PLEKHA5: variants seen among roughly 807,000 people sequenced by gnomAD.
The protein encoded by PLEKHA5 is pleckstrin homology domain containing A5, also known as pleckstrin homology domain-containing family A member 5.
In PLEKHA5, 55 loss-of-function variants were observed where a neutral mutation model predicts 181.9. The ratio of observed to expected loss-of-function variants is 0.30; its 90% CI spans 0.24 to 0.38. The LOEUF (loss-of-function observed/expected upper bound fraction) is 0.38, where lower values mean the gene tolerates loss of function less well. PLEKHA5 is among the 10% of genes least tolerant of loss of function. PLEKHA5 has a pLI of 1.00. For missense variants in PLEKHA5, 1,432 were observed against 1,549.5 expected, an observed-to-expected ratio of 0.92 and a Z score of 1.27; for synonymous variants, 535 against 529.4, an observed-to-expected ratio of 1.01 and a Z score of -0.15.
chr12:19,237,522 G>A (rs191407812), intron 3 of PLEKHA5, among the ~76,000 whole-genome samples: 40 of 151,826 alleles, frequency 2.6e-4, no homozygotes, highest in Non-Finnish European at 7.4e-5. Flanking sequence ...AAGGTATATC[G>A]ATACTAGTCT....
At chr12:19,338,286 A>G (rs2093611542) in intron 21 of PLEKHA5, among the ~76,000 whole-genome samples, 1 of 151,798 alleles carries the variant, frequency 6.6e-6, no homozygotes, top group African/African-American at 2.4e-5. Context: ...GAAACCTTGA[A>G]CTCCTGGGCC....
Position 19,194,672 on chromosome 12 carries a change from T to C in PLEKHA5, c.228-59268T>C, listed in dbSNP as rs2052187830. ...TCAAGGGGTACAGGTATTTACAAGT[T>C]TCATTATACAGACAAATTGAATATT... On this transcript the variant is annotated intron_variant, in intron 3 of 31. Transcript: ENST00000429027. 1.3e-5 allele frequency among the ~76,000 whole-genome samples: 2 copies of C among 152,160 alleles called. 1 individual carries two copies. The highest frequency in any genetic ancestry group is 4.1e-4 in the South Asian group (2 of 4,828).
At chr12:19,187,864 ATC>A (rs1420933889) in intron 3 of PLEKHA5, among the ~76,000 whole-genome samples, 1 of 152,160 alleles carries the variant, frequency 6.6e-6, no homozygotes, top group Non-Finnish European at 1.5e-5. Context: ...TTTAAATGTG[ATC>A]TGTTTCAATT....
At chr12:19,142,093 C>G (rs1470035788) in intron 3 of PLEKHA5, among the ~76,000 whole-genome samples, 1 of 152,188 alleles carries the variant, frequency 6.6e-6, no homozygotes, top group Non-Finnish European at 1.5e-5. Flanking sequence ...GGTGCTGTGG[C>G]TCACGCCTGT....
At chr12:19,214,428 G>T (rs2057546494) in intron 3 of PLEKHA5, among the ~76,000 whole-genome samples, 2 of 152,108 alleles carry the variant, frequency 1.3e-5, no homozygotes, top group Non-Finnish European at 2.9e-5. Flanking sequence ...AGTACAAATA[G>T]CCTTTTTGAC....
intron 26 of PLEKHA5, among the ~76,000 whole-genome samples, chr12:19,355,709 T>A (rs1307022907): frequency 2.0e-5 from 3 of 152,112 alleles, no homozygotes; most frequent in African/African-American, 7.2e-5. Flanking sequence ...TATCATGGAA[T>A]AAAGATAATA....
chr12:19,340,728 CT>C (rs1157499502), intron 21 of PLEKHA5, among the ~76,000 whole-genome samples: 1 of 145,754 alleles, frequency 6.9e-6, no homozygotes, highest in Non-Finnish European at 1.5e-5. Context: ...GCAAGATGTG[CT>C]TTGTTAAACA....
In PLEKHA5 at chr12:19,270,221, AT is replaced by A. The variant is rs1195663110; in HGVS notation, c.845+18del. On this transcript the variant is annotated intron_variant, in intron 10 of 31. Coordinates refer to ENST00000429027, the MANE Select transcript of PLEKHA5 (RefSeq NM_001256470.2). ...TTAATTTCCGGTGAGTACGTTTTTA[AT>A]TGTTACCTTAAAGCTACACAGATTT... The A allele has an allele frequency of 3.6e-6, 5 of 1,381,708 alleles. No individual in the cohort carries two copies. The highest frequency in any genetic ancestry group is 1.5e-5 in the African/African-American group (1 of 68,748). 85.6% of individuals were successfully genotyped at this position (1,381,708 alleles called of 1,614,324 possible). A position where few individuals can be genotyped will look rare whatever the true frequency, so the allele number is the denominator to read the frequency against.
intron 10 of PLEKHA5, among the ~76,000 whole-genome samples, chr12:19,271,923 T>G (rs1391994622): frequency 6.6e-6 from 1 of 152,240 alleles, no homozygotes; most frequent in Non-Finnish European, 1.5e-5. Flanking sequence ...TTTATCCCAC[T>G]CTATTAGATT....
intron 21 of PLEKHA5, among the ~76,000 whole-genome samples, chr12:19,337,819 G>T (rs2093571410): frequency 6.6e-6 from 1 of 151,960 alleles, no homozygotes; most frequent in Admixed American, 6.6e-5. Context: ...GGATCACGAG[G>T]TCAGGAGCTC....
intron 3 of PLEKHA5, among the ~76,000 whole-genome samples, chr12:19,220,719 A>G (rs2058814810): frequency 6.6e-6 from 1 of 152,176 alleles, no homozygotes; most frequent in South Asian, 2.1e-4. Context: ...ACCTAGACAA[A>G]TTGTTGAAAT....
chr12:19,329,378 CCTT>C (rs1420159712), intron 20 of PLEKHA5, among the ~76,000 whole-genome samples: 1 of 152,030 alleles, frequency 6.6e-6, no homozygotes. Context: ...AGACCCTCCT[CCTT>C]ATTTTTTTGG....
At chr12:19,233,655 T>C (rs1308260567) in intron 3 of PLEKHA5, among the ~76,000 whole-genome samples, 1 of 152,184 alleles carries the variant, frequency 6.6e-6, no homozygotes, top group Non-Finnish European at 1.5e-5. Context: ...TAAATGGCAC[T>C]GAGAAGTAAA....
chr12:19,349,987 C>G, intron 25 of PLEKHA5, among the ~76,000 whole-genome samples: 1 of 152,110 alleles, frequency 6.6e-6, no homozygotes, highest in Non-Finnish European at 1.5e-5. Context: ...TAGCACACAC[C>G]TGTAGTCCCA....
At chr12:19,251,834 A>G (rs368951544) in intron 3 of PLEKHA5, among the ~76,000 whole-genome samples, 2 of 152,050 alleles carry the variant, frequency 1.3e-5, no homozygotes, top group South Asian at 2.1e-4. Context: ...CAGGGGACAA[A>G]CTTTGGTAGA....
intron 3 of PLEKHA5, chr12:19,237,141 G>A (rs1207923085): frequency 1.3e-5 from 2 of 152,138 alleles, no homozygotes; most frequent in Non-Finnish European, 2.9e-5. Flanking sequence ...AATCTTGGTA[G>A]CTCTGGTGCC....
In PLEKHA5 at chr12:19,359,443, C is replaced by G; in HGVS notation, c.3380C>G (p.Thr1127Ser). 1.2e-6 allele frequency: 2 copies of G among 1,613,494 alleles called. No individual in the cohort carries two copies. The highest frequency in any genetic ancestry group is 1.7e-6 in the Non-Finnish European group (2 of 1,179,472). The change falls in exon 28 of 32, where the codon ACT becomes AGT. Residue 1127 changes from threonine to serine, a missense_variant. Physicochemically the swap from Thr to Ser is moderately conservative, Grantham distance 58. Around this residue, in one of 2 missense-constraint regions of PLEKHA5, gnomAD observed 1,143 missense variants for 1,168.4 expected, o/e 0.98. Coordinates refer to ENST00000429027, the MANE Select transcript of PLEKHA5 (RefSeq NM_001256470.2). The stretch of plus-strand genomic sequence containing the variant: ...AGGAGGGATGATAAGGAACTGGACA[C>G]TGCCATTAGAGAAAATGATGTAAAG... ...TRRRDDKELD[T>S]AIRENDVKPD...
At chr12:19,135,509 C>T (rs1485053835) in intron 3 of PLEKHA5, among the ~76,000 whole-genome samples, 1 of 152,120 alleles carries the variant, frequency 6.6e-6, no homozygotes, top group Non-Finnish European at 1.5e-5. Context: ...ATATGGAAAG[C>T]TAGCTTTTCT....
In PLEKHA5 at chr12:19,361,704, C is replaced by T; in HGVS notation, c.3606C>T (p.Phe1202=). Residue 1202 remains phenylalanine (F), a splice_region_variant and synonymous_variant, in exon 29 of 32, where the codon TTC becomes TTT. Coordinates refer to ENST00000429027, the MANE Select transcript of PLEKHA5 (RefSeq NM_001256470.2). ...NKDKMPEDVT[F]SPQDETQTAN... ...ACAAAATGCCTGAGGATGTTACATT[C>T]AGGTAATATTTAAGAAAAGCAAAGG... 1 of 1,590,672 alleles carries T rather than the reference C, an allele frequency of 6.3e-7. No individual in the cohort carries two copies. Among genetic ancestry groups the T allele is most frequent in the Non-Finnish European group, 8.6e-7 (1 of 1,169,512 alleles).
Sources: gnomAD v4.1 joint callset for allele counts (sites outside exome capture counted in the v4.1 genomes callset) on GRCh38, gnomAD v4.1.1 for gene constraint, gnomAD v4.1.1 regional missense constraint, MANE v1.5 for transcripts, NCBI Gene and HGNC (gene_info 2026-07-23, HGNC 2026-07-21) for gene names.